CTPS1: variants seen among roughly 807,000 people sequenced by gnomAD.
CTPS1 encodes the protein CTP synthetase 1.
In CTPS1, 25 loss-of-function variants were observed where a neutral mutation model predicts 80.5. The observed-to-expected ratio is 0.31, with a 90% CI of 0.23 to 0.43. The LOEUF (loss-of-function observed/expected upper bound fraction) is 0.43. Among genes scored for constraint, CTPS1 ranks in the 20% least tolerant of loss-of-function variants. The pLI is 1.00. For missense variants in CTPS1, 442 were observed against 725.7 expected (o/e 0.61, Z 4.49); for synonymous variants, 267 against 252.5 (o/e 1.06, Z -0.54).
At chr1:40,985,686 C>T (rs1642433783) in intron 3 of CTPS1, among the ~76,000 whole-genome samples, 1 of 152,102 alleles carries the variant, frequency 6.6e-6, no homozygotes, top group African/African-American at 2.4e-5. Context: ...TGGCTTTAGA[C>T]TTTACTGGCC....
intron 11 of CTPS1, 82 bp downstream of exon 11, chr1:41,002,336 TGGG>T: frequency 9.1e-7 from 1 of 1,097,206 alleles, no homozygotes; most frequent in Non-Finnish European, 1.4e-6. Flanking sequence ...ATGAACAAAG[TGGG>T]GGGATTACTG....
In CTPS1 at chr1:40,997,255, A is replaced by G. The variant is rs972026984; in HGVS notation, c.873-139A>G. The G allele has an allele frequency of 2.8e-5, 29 of 1,038,608 alleles. No homozygotes were observed. The African/African-American group carries it at 4.1e-4, about 15-fold the overall frequency. The allele number at this position is 1,038,608 out of a possible 1,614,324, so 64.3% of individuals were successfully genotyped here. A position where few individuals can be genotyped will look rare whatever the true frequency, so the allele number is the denominator to read the frequency against. On this transcript the variant is annotated intron_variant, in intron 8 of 18. Coordinates refer to ENST00000650070, the MANE Select transcript of CTPS1 (RefSeq NM_001905.4). ...AAGATCCCCCCGCCTCAGCCTTTCA[A>G]AGTGCTGGGATTATAGGATTATGGG...
chr1:41,006,365 C>T (rs1421673614), intron 13 of CTPS1, among the ~76,000 whole-genome samples: 1 of 152,190 alleles, frequency 6.6e-6, no homozygotes, highest in Non-Finnish European at 1.5e-5. Flanking sequence ...TCTTCTCCAT[C>T]CCTACTCCCC....
chr1:40,990,455 C>G (rs893521946), intron 5 of CTPS1, among the ~76,000 whole-genome samples: 2 of 152,058 alleles, frequency 1.3e-5, no homozygotes, highest in African/African-American at 4.8e-5. Context: ...AGCAACAATA[C>G]TGGAAGCTAA....
chr1:40,991,157 TGA>T lies in CTPS1; in HGVS notation c.556-7_556-6del. On this transcript the variant is annotated splice_polypyrimidine_tract_variant and splice_region_variant and intron_variant, in intron 5 of 18. Coordinates refer to ENST00000650070, the MANE Select transcript of CTPS1 (RefSeq NM_001905.4). ...CTAACTTTTTTTTTTTTTTCTTTTGTGAAATAGCCAAGTTCAACAGGGGAACA... is the reference window on the plus strand; with the variant it reads ...CTAACTTTTTTTTTTTTTTCTTTTGTAATAGCCAAGTTCAACAGGGGAACA... 1.3e-6 allele frequency: 2 copies of T among 1,569,808 alleles called. No individual in the cohort carries two copies. Among genetic ancestry groups the T allele is most frequent in the Admixed American group, 2.1e-5 (1 of 46,924 alleles).
rs538695592 is a variant in CTPS1 at position 41,009,686 on chromosome 1, A to ATT, written c.1691+97_1691+98insTT. 9.6e-6 allele frequency: 14 copies of ATT among 1,456,514 alleles called. No homozygotes were observed. The East Asian group carries it at 3.0e-4, about 32-fold the overall frequency. 90.2% of individuals were successfully genotyped at this position (1,456,514 alleles called of 1,614,324 possible). On this transcript the variant is annotated intron_variant, in intron 17 of 18. Coordinates refer to ENST00000650070, the MANE Select transcript of CTPS1 (RefSeq NM_001905.4). The stretch of plus-strand genomic sequence containing the variant: ...GCAACACGTCACAGTCAGTCATAAG[A>ATT]AAAAAAAGCCACAGGCGCCTGGGGT...
Position 40,991,758 on chromosome 1 carries a change from C to T in CTPS1, c.640-7C>T. On this transcript the variant is annotated splice_region_variant and splice_polypyrimidine_tract_variant and intron_variant, in intron 6 of 18. Transcript: ENST00000650070. ...TCTGTCTAAGCCATCTTGTTCTCTA[C>T]TGCTAGGTTGTATGCAGGTGCTCAA... 1 of 1,608,726 alleles carries T rather than the reference C, an allele frequency of 6.2e-7. No homozygotes were observed. The highest frequency in any genetic ancestry group is 1.7e-5 in the Admixed American group (1 of 60,022).
intron 3 of CTPS1, among the ~76,000 whole-genome samples, chr1:40,987,149 C>G (rs1344723138): frequency 2.6e-5 from 4 of 152,206 alleles, no homozygotes; most frequent in African/African-American, 4.8e-5. Flanking sequence ...CAGCCTTGCT[C>G]TGTTGCAGGG....
At chr1:40,998,765 A>T (rs12408576) in intron 9 of CTPS1, among the ~76,000 whole-genome samples, 1 of 152,094 alleles carries the variant, frequency 6.6e-6, no homozygotes, top group Non-Finnish European at 1.5e-5. Context: ...GTTGTTAAAC[A>T]GGCCCCATGT....
intron 16 of CTPS1, among the ~76,000 whole-genome samples, chr1:41,009,218 G>C (rs958185939): frequency 9.2e-5 from 14 of 152,198 alleles, no homozygotes; most frequent in African/African-American, 3.4e-4. Context: ...TCTTGGGCGG[G>C]ACCCTGGACA....
At chr1:41,006,768 C>T (rs1643044697) in intron 13 of CTPS1, among the ~76,000 whole-genome samples, 1 of 152,172 alleles carries the variant, frequency 6.6e-6, no homozygotes, top group African/African-American at 2.4e-5. Context: ...CTGGGACTGC[C>T]CTTGTCACTG....
chr1:40,992,545 A>T (rs74503225), intron 7 of CTPS1, among the ~76,000 whole-genome samples: 8,882 of 152,200 alleles, frequency 0.058, 343 homozygotes, highest in South Asian at 0.11. Flanking sequence ...TAATGTATCT[A>T]AGTGTGGTGC....
intron 12 of CTPS1, chr1:41,003,938 G>A (rs1320015496): frequency 6.6e-6 from 1 of 152,346 alleles, no homozygotes; most frequent in Non-Finnish European, 1.5e-5. Context: ...TCTCCACCTA[G>A]TGGCTCATCA....
chr1:41,001,132 C>G lies in CTPS1; in HGVS notation c.1094+15C>G, dbSNP rs1642893891. Reference sequence around the variant, plus strand: ...TGTAGTGCTCAGTGAGTAGAGTTCGCTGCCTTGGGTTTCCAGAGTTCTTTT... The same window carrying G: ...TGTAGTGCTCAGTGAGTAGAGTTCGGTGCCTTGGGTTTCCAGAGTTCTTTT... On this transcript the variant is annotated intron_variant, in intron 10 of 18. Coordinates refer to ENST00000650070, the MANE Select transcript of CTPS1 (RefSeq NM_001905.4). 8.8e-6 allele frequency: 14 copies of G among 1,582,002 alleles called. No individual in the cohort carries two copies. The highest frequency in any genetic ancestry group is 1.2e-5 in the Non-Finnish European group (14 of 1,164,962).
At chr1:40,995,073 G>A (rs988327071) in intron 7 of CTPS1, among the ~76,000 whole-genome samples, 1 of 152,168 alleles carries the variant, frequency 6.6e-6, no homozygotes, top group East Asian at 1.9e-4. Context: ...GTGGTCTGGG[G>A]TGCAGCATGG....
In CTPS1 at chr1:41,008,989, A is replaced by G. The variant is rs544793871; in HGVS notation, c.1546+99A>G. ...GTTATCTTGTTGCTCCTGACCTAAC[A>G]GAATTAGGAAGCAGCACTGTCTCAT... On this transcript the variant is annotated intron_variant, in intron 16 of 18. Transcript: ENST00000650070. The G allele has an allele frequency of 2.6e-5, 25 of 947,664 alleles. No individual in the cohort carries two copies. In the East Asian group the frequency reaches 3.8e-4, roughly 14 times the overall value. 58.7% of individuals were successfully genotyped at this position (947,664 alleles called of 1,614,324 possible). A position where few individuals can be genotyped will look rare whatever the true frequency, so the allele number is the denominator to read the frequency against.
Position 41,007,576 on chromosome 1 carries a change from T to C in CTPS1, c.1393+31T>C. Reference sequence around the variant, plus strand: ...AGCTGCCTCACGCTGGCCCAGCCTTTGGCTCTGCGTGCCCAGGACGCGTGT... The same window carrying C: ...AGCTGCCTCACGCTGGCCCAGCCTTCGGCTCTGCGTGCCCAGGACGCGTGT... On this transcript the variant is annotated intron_variant, in intron 14 of 18. Coordinates refer to ENST00000650070, the MANE Select transcript of CTPS1 (RefSeq NM_001905.4). The surrounding 1 kb of genome is among the most constrained non-coding windows in gnomAD (Gnocchi z 4.4). The C allele has an allele frequency of 6.3e-7, 1 of 1,585,610 alleles. No individual in the cohort carries two copies. The highest frequency in any genetic ancestry group is 8.7e-7 in the Non-Finnish European group (1 of 1,155,170).
intron 9 of CTPS1, among the ~76,000 whole-genome samples, chr1:41,000,215 ATGTTTTGTTTTGTTTTGTTTTGTTT>A (rs113751290): frequency 0.079 from 11,632 of 147,488 alleles, 581 homozygotes; most frequent in South Asian, 0.13. Context: ...ATGGTAACTT[ATGTTTTGTTTTGTTTTGTTTTGTTT>A]TGTTTTGTTT....
At chr1:41,011,116 T>C (rs985467230) in intron 18 of CTPS1, among the ~76,000 whole-genome samples, 1 of 152,254 alleles carries the variant, frequency 6.6e-6, no homozygotes, top group Non-Finnish European at 1.5e-5. Context: ...TCTGACCTGC[T>C]GATCCCAGCT....
Sources: gnomAD v4.1 joint callset for allele counts (sites outside exome capture counted in the v4.1 genomes callset) on GRCh38, gnomAD v4.1.1 for gene constraint, Gnocchi (gnomAD v3.1) non-coding constraint, MANE v1.5 for transcripts, NCBI Gene and HGNC (gene_info 2026-07-23, HGNC 2026-07-21) for gene names.